The following THSD4 variants were observed in gnomAD, a reference collection of about 807,000 sequenced individuals.
The protein encoded by THSD4 is thrombospondin type 1 domain containing 4, also known as thrombospondin type-1 domain-containing protein 4.
A neutral mutation model predicts 119.0 loss-of-function variants in THSD4; 69 were observed. That is an observed-to-expected ratio of 0.58 (90% CI 0.48 to 0.71). The LOEUF (loss-of-function observed/expected upper bound fraction) is 0.71. THSD4 is among the 30% of genes least tolerant of loss of function. The pLI, the probability that THSD4 is intolerant of heterozygous loss-of-function variation, is 0.00. For missense variants in THSD4, 1,393 were observed against 1,391.1 expected, an observed-to-expected ratio of 1.00 and a Z score of -0.02; for synonymous variants, 524 against 540.4, an observed-to-expected ratio of 0.97 and a Z score of 0.42.
chr15:71,649,038 G>A (rs1034264208), intron 7 of THSD4, among the ~76,000 whole-genome samples: 7 of 152,144 alleles, frequency 4.6e-5, no homozygotes, highest in African/African-American at 1.7e-4. Flanking sequence ...AAGAAAAGAC[G>A]TTTTGAACAT....
chr15:71,392,133 T>A (rs76887536), intron 6 of THSD4, among the ~76,000 whole-genome samples: 2,958 of 152,302 alleles, frequency 0.019, 34 homozygotes, highest in South Asian at 0.036. Flanking sequence ...CAAGAGAATA[T>A]GCAAATGAAG....
rs895954432 is a variant in THSD4, at chr15:71,778,132, T to C, written c.*758T>C. ...TCCCCGCCCCAGTCATCTACCAGTA[T>C]CCAGCCTGGGGCCTGTACTTAGATG... On this transcript the variant is annotated 3_prime_UTR_variant, in exon 18 of 18. Coordinates refer to ENST00000261862, the MANE Select transcript of THSD4 (RefSeq NM_024817.3). 8 of 152,230 alleles carry C rather than the reference T, an allele frequency of 5.3e-5. No homozygotes were observed. The highest frequency in any genetic ancestry group is 1.9e-4 in the African/African-American group (8 of 41,424). 9.4% of individuals were successfully genotyped at this position (152,230 alleles called of 1,614,324 possible). A position where few individuals can be genotyped will look rare whatever the true frequency, so the allele number is the denominator to read the frequency against.
At chr15:71,757,504 C>T (rs1249483003) in intron 14 of THSD4, among the ~76,000 whole-genome samples, 1 of 152,164 alleles carries the variant, frequency 6.6e-6, no homozygotes, top group Non-Finnish European at 1.5e-5. Context: ...AGTCATAGCT[C>T]AGTGTAGCCT....
intron 7 of THSD4, among the ~76,000 whole-genome samples, chr15:71,618,250 GA>G (rs1180923200): frequency 6.6e-6 from 1 of 152,186 alleles, no homozygotes; most frequent in African/African-American, 2.4e-5. Flanking sequence ...GTTAAAGACA[GA>G]GGCACTTTCT....
At chr15:71,423,538 A>G (rs944198166) in intron 7 of THSD4, among the ~76,000 whole-genome samples, 1 of 152,136 alleles carries the variant, frequency 6.6e-6, no homozygotes, top group African/African-American at 2.4e-5. Flanking sequence ...CTGCTGCCCT[A>G]TCCTGTGGTG....
At chr15:71,369,153 G>GT in intron 6 of THSD4, among the ~76,000 whole-genome samples, 1 of 152,330 alleles carries the variant, frequency 6.6e-6, no homozygotes, top group South Asian at 2.1e-4. Context: ...CTTTGCTGAA[G>GT]TTGCTTATCA....
chr15:71,497,092 T>C (rs2048029602), intron 7 of THSD4, among the ~76,000 whole-genome samples: 1 of 151,936 alleles, frequency 6.6e-6, no homozygotes, highest in South Asian at 2.1e-4. Context: ...AGGAAAGATG[T>C]TGTGCAGTTT....
intron 6 of THSD4, among the ~76,000 whole-genome samples, chr15:71,276,453 C>T (rs559263318): frequency 6.6e-6 from 1 of 152,292 alleles, no homozygotes; most frequent in South Asian, 2.1e-4. Flanking sequence ...GCGCAGGTCT[C>T]CTCACCTGTG....
At chr15:71,768,825 G>A (rs1434450678) in intron 16 of THSD4, among the ~76,000 whole-genome samples, 3 of 149,818 alleles carry the variant, frequency 2.0e-5, no homozygotes, top group East Asian at 2.0e-4. Context: ...TGCTCTGCCC[G>A]CCTCTGCCTC....
At chr15:71,459,804 G>C (rs1595789036) in intron 7 of THSD4, among the ~76,000 whole-genome samples, 1 of 152,150 alleles carries the variant, frequency 6.6e-6, no homozygotes, top group South Asian at 2.1e-4. Flanking sequence ...CTTTGAACTA[G>C]AGAGTAGAGA....
intron 6 of THSD4, among the ~76,000 whole-genome samples, chr15:71,340,413 T>C (rs933438273): frequency 6.6e-6 from 1 of 152,148 alleles, no homozygotes; most frequent in Non-Finnish European, 1.5e-5. Context: ...CCATCCACCC[T>C]GTAGCTTTAA....
chr15:71,765,635 G>T (rs1306929255), intron 16 of THSD4, among the ~76,000 whole-genome samples: 1 of 152,218 alleles, frequency 6.6e-6, no homozygotes, highest in Non-Finnish European at 1.5e-5. Context: ...AGGCGTGGTG[G>T]TTGACACCTG....
chr15:71,675,162 A>G (rs916244230), intron 8 of THSD4, among the ~76,000 whole-genome samples: 2 of 152,124 alleles, frequency 1.3e-5, no homozygotes, highest in African/African-American at 2.4e-5. Context: ...GCTGTGAGGC[A>G]GCCCCAACAA....
chr15:71,199,987 C>T (rs1258800635), intron 3 of THSD4, among the ~76,000 whole-genome samples: 1 of 110,508 alleles, frequency 9.0e-6, no homozygotes, highest in East Asian at 2.5e-4. Context: ...AAAACTGCCT[C>T]TGGTTGAGAA....
rs117513445 is a variant in THSD4 at position 71,343,914 on chromosome 15, G to A, written c.1016-67773G>A. ...TTTTGTGTAGAGACTGGGTCTCACC[G>A]TGTCGCCTGGGCTGGTCTTAAACTC... On this transcript the variant is annotated intron_variant, in intron 6 of 17. Coordinates refer to ENST00000261862, the MANE Select transcript of THSD4 (RefSeq NM_024817.3). Among the ~76,000 whole-genome samples the A allele has an allele frequency of 2.4e-3, 369 of 151,746 alleles. 13 individuals are homozygous for A. The East Asian group carries it at 0.059, about 24-fold the overall frequency.
At chr15:71,284,307 AC>A (rs2044689423) in intron 6 of THSD4, among the ~76,000 whole-genome samples, 1 of 152,216 alleles carries the variant, frequency 6.6e-6, no homozygotes, top group South Asian at 2.1e-4. Context: ...TGCTAATGCT[AC>A]ATTATAATAA....
chr15:71,221,603 T>G (rs1413843153), intron 4 of THSD4, among the ~76,000 whole-genome samples: 1 of 152,222 alleles, frequency 6.6e-6, no homozygotes, highest in Admixed American at 6.5e-5. Context: ...TATTCCATAT[T>G]GTAGCATATT....
chr15:71,425,020 C>G (rs1045498506), intron 7 of THSD4, among the ~76,000 whole-genome samples: 20 of 151,940 alleles, frequency 1.3e-4, no homozygotes, highest in African/African-American at 4.4e-4. Context: ...CCCATCCCCC[C>G]GAAAAAAGTG....
At position 71,717,044 on chromosome 15, in the gene THSD4, G is replaced by A. The variant is rs1277060138; in HGVS notation, c.1358-11505G>A. Among the ~76,000 whole-genome samples, 4 of 152,268 alleles carry A rather than the reference G, an allele frequency of 2.6e-5. No homozygotes were observed. The South Asian group carries it at 8.3e-4, about 32-fold the overall frequency. On this transcript the variant is annotated intron_variant, in intron 8 of 17. Transcript: ENST00000261862. Reference sequence around the variant, plus strand: ...TGCCAGGAGGAAGATGCATTCTGGGGCACATGTTGCTGCCTTTTGCATACA... The same window carrying A: ...TGCCAGGAGGAAGATGCATTCTGGGACACATGTTGCTGCCTTTTGCATACA...
Sources: allele counts gnomAD v4.1 joint callset (sites outside exome capture counted in the v4.1 genomes callset), GRCh38; gene constraint gnomAD v4.1.1; transcripts MANE v1.5; gene names NCBI Gene and HGNC (gene_info 2026-07-23, HGNC 2026-07-21).